Variants in CHMP4B observed in about 807,000 individuals in gnomAD.
CHMP4B encodes charged multivesicular body protein 4B.
Under a neutral mutation model 25.1 loss-of-function variants are expected in CHMP4B, and 1 was observed. The observed-to-expected ratio is 0.04, with a 90% confidence interval of 0.01 to 0.19. The LOEUF (loss-of-function observed/expected upper bound fraction) is 0.19. Among genes scored for constraint, CHMP4B ranks in the 10% least tolerant of loss-of-function variants. The pLI is 1.00. For missense variants in CHMP4B, 151 were observed against 289.7 expected, an observed-to-expected ratio of 0.52 and a Z score of 3.48; for synonymous variants, 101 against 115.6, an observed-to-expected ratio of 0.87 and a Z score of 0.81.
At chr20:33,847,553 A>T (rs974312284) in intron 1 of CHMP4B, among the ~76,000 whole-genome samples, 8 of 152,190 alleles carry the variant, frequency 5.3e-5, no homozygotes, top group Non-Finnish European at 1.2e-4. Flanking sequence ...CAGTTCTGCC[A>T]CAGATTCACC....
chr20:33,819,180 G>A (rs185956632), intron 1 of CHMP4B, among the ~76,000 whole-genome samples: 3 of 152,252 alleles, frequency 2.0e-5, no homozygotes, highest in East Asian at 3.9e-4. Context: ...CCAAAGTGCT[G>A]GGATTACAGG....
intron 2 of CHMP4B, 102 bp from the exon 3 acceptor site, chr20:33,850,850 A>G (rs1601329703): frequency 4.5e-5 from 36 of 791,920 alleles, no homozygotes; most frequent in Middle Eastern, 3.5e-4. Context: ...TGTGGCTGGG[A>G]AGCTGATTTT....
intron 1 of CHMP4B, among the ~76,000 whole-genome samples, chr20:33,819,296 G>T (rs1249883632): frequency 6.6e-6 from 1 of 152,210 alleles, no homozygotes; most frequent in Non-Finnish European, 1.5e-5. Context: ...CCCTAGAACA[G>T]GCAGGGCCGA....
At chr20:33,841,941 A>G (rs963053510) in intron 1 of CHMP4B, among the ~76,000 whole-genome samples, 1 of 152,156 alleles carries the variant, frequency 6.6e-6, no homozygotes, top group Non-Finnish European at 1.5e-5. Context: ...GAGGTGGTGG[A>G]AAGAGTCCTG....
intron 2 of CHMP4B, 21 bp from the exon 3 acceptor site, chr20:33,850,931 A>G (rs773491442): frequency 3.9e-6 from 6 of 1,528,544 alleles, no homozygotes; most frequent in Middle Eastern, 1.8e-4. Flanking sequence ...TTGATATGAT[A>G]CCTGTCCATT....
At chr20:33,813,164 G>C (rs75084136) in intron 1 of CHMP4B, among the ~76,000 whole-genome samples, 1 of 151,898 alleles carries the variant, frequency 6.6e-6, no homozygotes, top group Non-Finnish European at 1.5e-5. Context: ...AAAAAAGGGG[G>C]AGGAGCCTTC....
intron 1 of CHMP4B, among the ~76,000 whole-genome samples, chr20:33,840,286 T>A (rs1349444390): frequency 2.0e-5 from 3 of 149,332 alleles, no homozygotes; most frequent in Non-Finnish European, 4.4e-5. Context: ...GACAAGAAGA[T>A]GCAGAGATCC....
At chr20:33,829,964 T>C (rs1315211347) in intron 1 of CHMP4B, among the ~76,000 whole-genome samples, 1 of 152,114 alleles carries the variant, frequency 6.6e-6, no homozygotes, top group Non-Finnish European at 1.5e-5. Context: ...CTGGGAAATA[T>C]AAACGACTTG....
intron 1 of CHMP4B, among the ~76,000 whole-genome samples, chr20:33,812,155 C>T (rs905566375): frequency 5.9e-5 from 9 of 152,214 alleles, no homozygotes; most frequent in Non-Finnish European, 1.3e-4. Context: ...TGAAAAGCCT[C>T]CTTGCTGGAG....
At chr20:33,837,357 A>G (rs903757606) in intron 1 of CHMP4B, among the ~76,000 whole-genome samples, 1 of 152,142 alleles carries the variant, frequency 6.6e-6, no homozygotes, top group African/African-American at 2.4e-5. Flanking sequence ...TCTTACAAAA[A>G]CAAAAAAACA....
intron 1 of CHMP4B, among the ~76,000 whole-genome samples, chr20:33,831,909 G>C (rs1979262953): frequency 6.6e-6 from 1 of 152,140 alleles, no homozygotes; most frequent in South Asian, 2.1e-4. Context: ...TTAAGGACAA[G>C]GCAAGACTAC....
chr20:33,823,857 T>C (rs1259489931), intron 1 of CHMP4B, among the ~76,000 whole-genome samples: 1 of 152,086 alleles, frequency 6.6e-6, no homozygotes, highest in East Asian at 1.9e-4. Flanking sequence ...TTATTTTTTA[T>C]AGAGATGGGG....
intron 1 of CHMP4B, among the ~76,000 whole-genome samples, chr20:33,834,168 C>T (rs1196501152): frequency 2.0e-5 from 3 of 152,166 alleles, no homozygotes; most frequent in African/African-American, 7.2e-5. Flanking sequence ...GAAGTTCAAT[C>T]TTGTTGAACT....
chr20:33,848,130 C>A (rs1001088042), intron 1 of CHMP4B, among the ~76,000 whole-genome samples: 1 of 152,104 alleles, frequency 6.6e-6, no homozygotes, highest in Non-Finnish European at 1.5e-5. Context: ...AAGTAGCTCA[C>A]CTGAGTCTGT....
intron 2 of CHMP4B, among the ~76,000 whole-genome samples, chr20:33,849,321 G>C (rs1568611827): frequency 2.0e-5 from 3 of 152,212 alleles, no homozygotes; most frequent in Admixed American, 6.5e-5. Flanking sequence ...CATTTGGGCT[G>C]GGTGAGGTGG....
In CHMP4B at chr20:33,811,558, G is replaced by T. The variant is rs781168269; in HGVS notation, c.90G>T (p.Arg30=). The change falls in exon 1 of 5, where the codon CGG becomes CGT. Residue 30 remains arginine (R), a synonymous_variant. Transcript: ENST00000217402. ...CCCAGGAGGCCATCCAGCGGCTGCGGGACACGGAAGAGATGTTAAGCAAGA... is the reference window on the plus strand; with the variant it reads ...CCCAGGAGGCCATCCAGCGGCTGCGTGACACGGAAGAGATGTTAAGCAAGA... ...PTPQEAIQRL[R]DTEEMLSKKQ... is the part of the protein sequence containing the mutation. The T allele has an allele frequency of 8.1e-6, 13 of 1,612,908 alleles. No individual in the cohort carries two copies. The highest frequency in any genetic ancestry group is 1.0e-5 in the Non-Finnish European group (12 of 1,179,636).
intron 1 of CHMP4B, among the ~76,000 whole-genome samples, chr20:33,841,418 CAGCAA>C (rs1979536905): frequency 6.6e-6 from 1 of 152,218 alleles, no homozygotes; most frequent in Non-Finnish European, 1.5e-5. Flanking sequence ...GGAATAAATA[CAGCAA>C]TGTCAGGGAC....
intron 1 of CHMP4B, among the ~76,000 whole-genome samples, chr20:33,824,574 G>A (rs973660774): frequency 2.6e-5 from 4 of 152,144 alleles, no homozygotes; most frequent in African/African-American, 9.7e-5. Flanking sequence ...CATTCAATTC[G>A]CTACATCAAC....
chr20:33,819,587 C>T (rs1490215588), intron 1 of CHMP4B, among the ~76,000 whole-genome samples: 1 of 152,160 alleles, frequency 6.6e-6, no homozygotes, highest in Non-Finnish European at 1.5e-5. Context: ...GCAGAGCTGG[C>T]TTGGAGGGCT....
Sources: allele counts gnomAD v4.1 joint callset (sites outside exome capture counted in the v4.1 genomes callset), GRCh38; gene constraint gnomAD v4.1.1; transcripts MANE v1.5; gene names NCBI Gene and HGNC (gene_info 2026-07-23, HGNC 2026-07-21).